EDA: variants seen among roughly 807,000 people sequenced by gnomAD.
The protein encoded by EDA is ectodysplasin-A.
Under a neutral mutation model 23.6 loss-of-function variants are expected in EDA, and 2 were observed. The observed-to-expected ratio is 0.08, with a 90% CI of 0.03 to 0.27. EDA has a LOEUF of 0.27. Ranked by LOEUF, EDA falls within the 10% of genes least tolerant of loss-of-function variation. The probability of loss-of-function intolerance (pLI) is 1.00; values close to 1 mark genes in which losing one functional copy is unlikely to be tolerated. For missense variants in EDA, 229 were observed against 324.2 expected, an observed-to-expected ratio of 0.71 and a Z score of 2.26; for synonymous variants, 131 against 132.0, an observed-to-expected ratio of 0.99 and a Z score of 0.05.
At chrX:69,712,760 A>G (rs1383636249) in intron 1 of EDA, among the ~76,000 whole-genome samples, 2 of 111,376 alleles carry the variant, frequency 1.8e-5, no homozygotes, top group African/African-American at 6.5e-5. Context: ...ACACATGCAC[A>G]TGCATGTTTA....
chrX:69,999,638 A>T (rs1216299841), intron 2 of EDA, among the ~76,000 whole-genome samples: 4 of 102,993 alleles, frequency 3.9e-5, no homozygotes, highest in African/African-American at 1.4e-4. Context: ...AAAAAAAAGG[A>T]AAAAAAGAAA....
chrX:70,016,887 G>A (rs1347491599), intron 2 of EDA, among the ~76,000 whole-genome samples: 1 of 111,410 alleles, frequency 9.0e-6, no homozygotes, highest in Admixed American at 9.5e-5. Flanking sequence ...TATTTGAGAT[G>A]TGAAAAAACA....
chrX:69,964,542 C>G (rs1156804528), intron 2 of EDA, among the ~76,000 whole-genome samples: 3 of 111,814 alleles, frequency 2.7e-5, no homozygotes, highest in African/African-American at 9.8e-5. Context: ...CTAGTTTTAG[C>G]CAATCAGATG....
chrX:69,728,779 A>G (rs929573384), intron 1 of EDA, among the ~76,000 whole-genome samples: 5 of 111,458 alleles, frequency 4.5e-5, no homozygotes, highest in African/African-American at 1.6e-4. Flanking sequence ...GATACAGAGA[A>G]GAACCCAGGT....
intron 1 of EDA, among the ~76,000 whole-genome samples, chrX:69,878,065 C>A (rs776581527): frequency 8.9e-6 from 1 of 112,392 alleles, no homozygotes; most frequent in Admixed American, 9.4e-5. Context: ...TCTCCTCTAA[C>A]TTTGTTCTTT....
intron 1 of EDA, among the ~76,000 whole-genome samples, chrX:69,840,422 A>G (rs1272718815): frequency 8.9e-6 from 1 of 112,059 alleles, no homozygotes; most frequent in South Asian, 3.7e-4. Flanking sequence ...TGTCTCCAGA[A>G]TACAGAACAG....
intron 1 of EDA, among the ~76,000 whole-genome samples, chrX:69,693,734 T>C (rs1934777984): frequency 8.9e-6 from 1 of 112,140 alleles, no homozygotes; most frequent in Non-Finnish European, 1.9e-5. Flanking sequence ...GCTTTATAAT[T>C]TGTCCAGTAA....
At chrX:69,808,779 A>G (rs185668150) in intron 1 of EDA, among the ~76,000 whole-genome samples, 1 of 112,457 alleles carries the variant, frequency 8.9e-6, no homozygotes, top group East Asian at 2.8e-4. Context: ...ACTAAATATT[A>G]ACAAAAATCT....
chrX:69,638,383 A>T (rs1440128532), intron 1 of EDA, among the ~76,000 whole-genome samples: 1 of 112,330 alleles, frequency 8.9e-6, no homozygotes, highest in Non-Finnish European at 1.9e-5. Flanking sequence ...AAACTCATGT[A>T]ACAGGTTTTA....
chrX:69,824,197 A>T (rs1199765541), intron 1 of EDA, among the ~76,000 whole-genome samples: 1 of 110,242 alleles, frequency 9.1e-6, no homozygotes, highest in East Asian at 2.9e-4. Context: ...TTTTGGTTCC[A>T]TATGAACTTT....
intron 1 of EDA, among the ~76,000 whole-genome samples, chrX:69,934,693 A>G (rs1456958475): frequency 8.9e-6 from 1 of 111,851 alleles, no homozygotes; most frequent in Non-Finnish European, 1.9e-5. Flanking sequence ...ATTTTGATAC[A>G]GGCACACAAT....
chrX:69,870,462 G>A (rs1346786180), intron 1 of EDA, among the ~76,000 whole-genome samples: 1 of 110,761 alleles, frequency 9.0e-6, no homozygotes, highest in Non-Finnish European at 1.9e-5. Flanking sequence ...TGTTGGGGGT[G>A]GTTTCTGAGG....
At chrX:69,677,579 G>C (rs1346081135) in intron 1 of EDA, among the ~76,000 whole-genome samples, 22 of 112,893 alleles carry the variant, frequency 1.9e-4, no homozygotes, top group Non-Finnish European at 3.6e-4. Context: ...CTGATGGCCA[G>C]TGATGGTGAG....
intron 1 of EDA, chrX:69,861,100 C>A (rs2017376249): frequency 5.0e-6 from 2 of 400,450 alleles, no homozygotes; most frequent in Admixed American, 3.6e-5. Flanking sequence ...ACCAAGGAAA[C>A]TTCCAAAAGA....
intron 1 of EDA, chrX:69,937,475 G>C (rs945657830): frequency 2.5e-6 from 2 of 792,105 alleles, no homozygotes; most frequent in Middle Eastern, 2.9e-4. Context: ...GGATCTCAAA[G>C]AAGTCAAGTT....
At chrX:69,967,500 A>G (rs1470891890) in intron 2 of EDA, among the ~76,000 whole-genome samples, 1 of 111,905 alleles carries the variant, frequency 8.9e-6, no homozygotes, top group African/African-American at 3.2e-5. Context: ...TAAGCAGTCC[A>G]AGATATGCAT....
At chrX:69,760,272 T>C (rs1307473222) in intron 1 of EDA, among the ~76,000 whole-genome samples, 1 of 109,562 alleles carries the variant, frequency 9.1e-6, no homozygotes, top group Non-Finnish European at 1.9e-5. Flanking sequence ...TTGACTTTAT[T>C]AAATTTTTGG....
intron 1 of EDA, among the ~76,000 whole-genome samples, chrX:69,699,720 G>C (rs924965145): frequency 6.3e-5 from 7 of 110,677 alleles, no homozygotes; most frequent in Non-Finnish European, 1.3e-4. Flanking sequence ...CGCTGGTATA[G>C]AGGGAGAAAG....
chrX:70,023,314 G>A lies in EDA; in HGVS notation c.526+73G>A. The A allele has an allele frequency of 8.6e-6, 6 of 698,992 alleles. No homozygotes were observed. The South Asian group carries it at 1.5e-4, about 18-fold the overall frequency. The allele number at this position is 698,992 out of a possible 1,213,427, so 57.6% of individuals were successfully genotyped here. On this transcript the variant is annotated intron_variant, in intron 3 of 7. Transcript: ENST00000374552. ...AAGTTAGAAGAAAAAAATCAAGAGT[G>A]CGATTTTTGTATTATATTCTTTCAG...
Sources: gnomAD v4.1 joint callset for allele counts (sites outside exome capture counted in the v4.1 genomes callset) on GRCh38, gnomAD v4.1.1 for gene constraint, MANE v1.5 for transcripts, NCBI Gene and HGNC (gene_info 2026-07-23, HGNC 2026-07-21) for gene names.